The following CORIN variants were observed in gnomAD, a reference collection of about 807,000 sequenced individuals.
The protein encoded by CORIN is atrial natriuretic peptide-converting enzyme.
In CORIN, 117 loss-of-function variants were observed where a neutral mutation model predicts 125.3. The observed-to-expected ratio is 0.93, with a 90% CI of 0.80 to 1.09. The LOEUF is 1.09. Among genes scored for constraint, CORIN ranks in the 50% least tolerant of loss-of-function variants. CORIN has a pLI of 0.00. For missense variants in CORIN, 1,253 were observed against 1,306.7 expected (o/e 0.96, Z 0.63); for synonymous variants, 450 against 466.4 (o/e 0.96, Z 0.45).
chr4:47,794,192 T>C (rs1021269882), intron 2 of CORIN, among the ~76,000 whole-genome samples: 1 of 152,176 alleles, frequency 6.6e-6, no homozygotes, highest in Non-Finnish European at 1.5e-5. Flanking sequence ...TTTTAAGTGA[T>C]ACTAAGAATA....
chr4:47,613,475 G>A (rs1349287924), intron 19 of CORIN, among the ~76,000 whole-genome samples: 3 of 151,990 alleles, frequency 2.0e-5, no homozygotes, highest in African/African-American at 7.2e-5. Flanking sequence ...AAAACTCAGA[G>A]CTTTGAAGTC....
rs1412696982 is a variant in CORIN at position 47,600,940 on chromosome 4, C to T, written c.2813-593G>A. 1.3e-5 allele frequency among the ~76,000 whole-genome samples: 2 copies of T among 152,308 alleles called. 1 individual carries two copies. The highest frequency in any genetic ancestry group is 4.1e-4 in the South Asian group (2 of 4,826). On this transcript the variant is annotated intron_variant, in intron 20 of 21. Transcript: ENST00000273857. ...ATTGACAGAGAGAATATGTGAATTC[C>T]ATCTTGCTTAAAAGTTCTTGAAGAA...
chr4:47,834,780 ATAAAG>A (rs1178201472), intron 1 of CORIN, among the ~76,000 whole-genome samples: 2 of 152,186 alleles, frequency 1.3e-5, no homozygotes, highest in African/African-American at 4.8e-5. Flanking sequence ...CAATACTTCA[ATAAAG>A]TAGTTTTTTA....
chr4:47,609,875 G>A (rs989534656), intron 19 of CORIN, among the ~76,000 whole-genome samples: 5 of 152,138 alleles, frequency 3.3e-5, no homozygotes, highest in Admixed American at 2.0e-4. Flanking sequence ...CTGTTCCTGT[G>A]TTAGTTTGCT....
chr4:47,776,085 T>C (rs1453174766), intron 3 of CORIN, among the ~76,000 whole-genome samples: 11 of 151,590 alleles, frequency 7.3e-5, no homozygotes. Context: ...AATGGCAAGA[T>C]CTCGGCTCAC....
chr4:47,698,300 A>T lies in CORIN; in HGVS notation c.800-5217T>A, dbSNP rs144930160. ...TTAATATTGGCACCCAATATTAATTAGGGTGCCAGGGCAGGCCTCACTCAA... is the reference window on the plus strand; with the variant it reads ...TTAATATTGGCACCCAATATTAATTTGGGTGCCAGGGCAGGCCTCACTCAA... On this transcript the variant is annotated intron_variant, in intron 5 of 21. Transcript: ENST00000273857. 7.3e-3 allele frequency among the ~76,000 whole-genome samples: 1,103 copies of T among 151,998 alleles called. 7 individuals are homozygous for T. The highest frequency in any genetic ancestry group is 0.012 in the Non-Finnish European group (829 of 67,984).
chr4:47,669,965 G>A (rs1316011215), intron 10 of CORIN, among the ~76,000 whole-genome samples: 3 of 152,206 alleles, frequency 2.0e-5, no homozygotes, highest in South Asian at 2.1e-4. Context: ...TAAGTCTCTC[G>A]TAGTCTTTGG....
At chr4:47,627,637 T>C (rs1457805879) in intron 16 of CORIN, among the ~76,000 whole-genome samples, 1 of 152,130 alleles carries the variant, frequency 6.6e-6, no homozygotes, top group African/African-American at 2.4e-5. Flanking sequence ...TCTCCATCAA[T>C]TCCAGAAGTT....
In CORIN at chr4:47,756,080, G is replaced by T. The variant is rs1015596777; in HGVS notation, c.617+7299C>A. Among the ~76,000 whole-genome samples the T allele has an allele frequency of 3.9e-5, 6 of 152,274 alleles. 1 individual carries two copies. Among genetic ancestry groups the T allele is most frequent in the South Asian group, 4.1e-4 (2 of 4,824 alleles). On this transcript the variant is annotated intron_variant, in intron 4 of 21. Transcript: ENST00000273857. ...AGGCAATAAACAGACAGGCAAAAGGGGTTATAACTGTGCCATGGTGAAAGA... is the reference window on the plus strand; with the variant it reads ...AGGCAATAAACAGACAGGCAAAAGGTGTTATAACTGTGCCATGGTGAAAGA...
At chr4:47,757,889 T>TATATATATAC (rs1553916075) in intron 4 of CORIN, among the ~76,000 whole-genome samples, 3 of 143,786 alleles carry the variant, frequency 2.1e-5, no homozygotes, top group African/African-American at 7.7e-5. Flanking sequence ...TATATATATA[T>TATATATATAC]ATATATATAT....
At chr4:47,721,166 CAG>C (rs78663098) in intron 5 of CORIN, among the ~76,000 whole-genome samples, 282 of 148,206 alleles carry the variant, frequency 1.9e-3, no homozygotes, top group Non-Finnish European at 1.8e-3. Flanking sequence ...CATGTACAGA[CAG>C]AGAGAGAGAG....
chr4:47,784,337 A>G (rs1730690820), intron 3 of CORIN, among the ~76,000 whole-genome samples: 1 of 152,222 alleles, frequency 6.6e-6, no homozygotes, highest in Non-Finnish European at 1.5e-5. Flanking sequence ...TGTCAAGTAC[A>G]TTAACAATAT....
At chr4:47,722,848 C>G (rs1727418279) in intron 5 of CORIN, among the ~76,000 whole-genome samples, 1 of 152,086 alleles carries the variant, frequency 6.6e-6, no homozygotes, top group Admixed American at 6.5e-5. Context: ...CTGTGGTATC[C>G]AAACAGTAAA....
chr4:47,745,542 A>ATTTT (rs1436549716), intron 4 of CORIN, among the ~76,000 whole-genome samples: 1 of 152,238 alleles, frequency 6.6e-6, no homozygotes, highest in Non-Finnish European at 1.5e-5. Context: ...CCTTCAAATG[A>ATTTT]GATAGTTCCA....
intron 3 of CORIN, among the ~76,000 whole-genome samples, chr4:47,781,468 G>A (rs997738170): frequency 6.6e-6 from 1 of 152,162 alleles, no homozygotes; most frequent in Non-Finnish European, 1.5e-5. Flanking sequence ...GTATTAGATG[G>A]TTTGTCCAAC....
intron 17 of CORIN, among the ~76,000 whole-genome samples, chr4:47,624,245 C>T (rs1722461057): frequency 6.6e-6 from 1 of 152,106 alleles, no homozygotes; most frequent in Admixed American, 6.6e-5. Context: ...GGAAAAGAAA[C>T]TATTTTAACA....
intron 3 of CORIN, among the ~76,000 whole-genome samples, chr4:47,777,361 G>A (rs1206588375): frequency 3.9e-5 from 6 of 152,218 alleles, no homozygotes; most frequent in South Asian, 2.1e-4. Context: ...GGCCAGGCGC[G>A]GTGGCTCACG....
intron 8 of CORIN, chr4:47,679,471 C>G (rs1032046509): frequency 6.6e-6 from 1 of 152,076 alleles, no homozygotes; most frequent in Non-Finnish European, 1.5e-5. Flanking sequence ...TCATGCCAGT[C>G]TCCTGCCTCA....
intron 19 of CORIN, among the ~76,000 whole-genome samples, chr4:47,606,314 A>G (rs528677222): frequency 7.2e-5 from 11 of 152,160 alleles, no homozygotes; most frequent in African/African-American, 2.4e-4. Flanking sequence ...GTGCAGTGGC[A>G]TGATGATAGC....
Sources: allele counts gnomAD v4.1 joint callset (sites outside exome capture counted in the v4.1 genomes callset), GRCh38; gene constraint gnomAD v4.1.1; transcripts MANE v1.5; gene names NCBI Gene and HGNC (gene_info 2026-07-23, HGNC 2026-07-21).